The following SLC5A12 variants were observed in gnomAD, a reference collection of about 807,000 sequenced individuals.
The protein encoded by SLC5A12 is sodium-coupled monocarboxylate transporter 2.
SLC5A12 carries 46 observed loss-of-function variants against 72.7 expected under a neutral mutation model. The observed-to-expected ratio is 0.63, with a 90% CI of 0.50 to 0.81. SLC5A12 has a LOEUF of 0.81. Ranked by LOEUF, SLC5A12 falls within the 30% of genes least tolerant of loss-of-function variation. SLC5A12 has a pLI of 0.00. For missense variants in SLC5A12, 683 were observed against 740.7 expected, an observed-to-expected ratio of 0.92 and a Z score of 0.90; for synonymous variants, 275 against 264.4, an observed-to-expected ratio of 1.04 and a Z score of -0.39.
chr11:26,685,198 A>G (rs183679464), intron 10 of SLC5A12, among the ~76,000 whole-genome samples: 34 of 152,344 alleles, frequency 2.2e-4, no homozygotes, highest in African/African-American at 7.9e-4. Context: ...CAAGTAAGTT[A>G]CACTGTTCTG....
At chr11:26,693,966 T>C (rs1439662259) in intron 8 of SLC5A12, among the ~76,000 whole-genome samples, 1 of 152,120 alleles carries the variant, frequency 6.6e-6, no homozygotes, top group Non-Finnish European at 1.5e-5. Flanking sequence ...AAAAGGACTT[T>C]TTATGCTCCC....
In SLC5A12 at chr11:26,711,787, T is replaced by G. The variant is rs1855235536; in HGVS notation, c.406-429A>C. Among the ~76,000 whole-genome samples the G allele has an allele frequency of 3.3e-5, 5 of 152,016 alleles. No homozygotes were observed. In the South Asian group the frequency reaches 1.0e-3, roughly 32 times the overall value. On this transcript the variant is annotated intron_variant, in intron 2 of 14. Transcript: ENST00000396005. ...TGAAATATGGAATTTAGAGGTGAGA[T>G]AGAAAGAATCTGTGAGGAGAAAGTA...
rs1006855045 is a variant in SLC5A12 at position 26,703,965 on chromosome 11, T to C, written c.526-18A>G. 6.2e-7 allele frequency: 1 copy of C among 1,612,612 alleles called. No individual in the cohort carries two copies. Among genetic ancestry groups the C allele is most frequent in the African/African-American group, 1.3e-5 (1 of 74,842 alleles). On this transcript the variant is annotated intron_variant, in intron 4 of 14. Transcript: ENST00000396005. ...AATCCTCCCTGAAATAGAGAGAATG[T>C]TTGAGTCCTTGAAAACAAACCCTGT...
intron 1 of SLC5A12, among the ~76,000 whole-genome samples, chr11:26,713,556 T>C (rs1222008408): frequency 6.6e-6 from 1 of 152,152 alleles, no homozygotes; most frequent in Non-Finnish European, 1.5e-5. Context: ...AGATCATTGA[T>C]GAAAGCATCA....
At chr11:26,676,306 G>T (rs2133134863) in intron 13 of SLC5A12, among the ~76,000 whole-genome samples, 1 of 147,078 alleles carries the variant, frequency 6.8e-6, no homozygotes, top group Non-Finnish European at 1.5e-5. Context: ...TTTGTAGAGT[G>T]AAATCAACCA....
intron 8 of SLC5A12, among the ~76,000 whole-genome samples, chr11:26,696,868 G>A (rs1854828918): frequency 6.6e-6 from 1 of 152,098 alleles, no homozygotes; most frequent in Non-Finnish European, 1.5e-5. Context: ...GTAGGATAAT[G>A]AGCATAAAAT....
intron 8 of SLC5A12, among the ~76,000 whole-genome samples, chr11:26,696,110 C>T (rs1854805508): frequency 6.6e-6 from 1 of 152,124 alleles, no homozygotes; most frequent in Non-Finnish European, 1.5e-5. Flanking sequence ...CTGTTATTTC[C>T]TTTATATACT....
intron 13 of SLC5A12, among the ~76,000 whole-genome samples, chr11:26,676,435 A>C (rs1854269003): frequency 6.6e-6 from 1 of 152,084 alleles, no homozygotes; most frequent in South Asian, 2.1e-4. Context: ...CTAAAATATA[A>C]AATAATAGAT....
Position 26,670,880 on chromosome 11 carries a change from C to G in SLC5A12, c.*222G>C, listed in dbSNP as rs1378072182. The G allele has an allele frequency of 3.2e-5, 12 of 373,278 alleles. No homozygotes were observed. In the East Asian group the frequency reaches 5.0e-4, roughly 16 times the overall value. The allele number at this position is 373,278 out of a possible 1,614,324, so 23.1% of individuals were successfully genotyped here. ...AGGAAGTAGTCAAGGGCATTTGGAG[C>G]AGGTTGGTTTTTCTCTGTGAAAGTT... On this transcript the variant is annotated 3_prime_UTR_variant, in exon 15 of 15. Transcript: ENST00000396005.
intron 2 of SLC5A12, among the ~76,000 whole-genome samples, chr11:26,711,721 G>C (rs1385160479): frequency 6.6e-6 from 1 of 152,062 alleles, no homozygotes; most frequent in Non-Finnish European, 1.5e-5. Context: ...GACTTCATGA[G>C]GAGCTTTACT....
chr11:26,667,670 T>C lies in SLC5A12; in HGVS notation c.*3432A>G, dbSNP rs1455469751. 1 of 151,950 alleles carries C rather than the reference T, an allele frequency of 6.6e-6. No homozygotes were observed. The highest frequency in any genetic ancestry group is 1.5e-5 in the Non-Finnish European group (1 of 67,904). The allele number at this position is 151,950 out of a possible 1,614,324, so 9.4% of individuals were successfully genotyped here. ...AATCATAGTAATGAATTGCATCTTT[T>C]AGTAATAAACTTGTTTATAACAGTA... On this transcript the variant is annotated 3_prime_UTR_variant, in exon 15 of 15. Transcript: ENST00000396005.
chr11:26,718,072 T>C (rs1855393094), intron 1 of SLC5A12, among the ~76,000 whole-genome samples: 1 of 152,190 alleles, frequency 6.6e-6, no homozygotes, highest in Non-Finnish European at 1.5e-5. Flanking sequence ...CTCCACCTCT[T>C]TCAGTCTTTA....
chr11:26,671,467 T>G (rs1041226806), intron 14 of SLC5A12, among the ~76,000 whole-genome samples: 2 of 152,126 alleles, frequency 1.3e-5, no homozygotes, highest in Non-Finnish European at 1.5e-5. Context: ...GAACAATTTA[T>G]TGAGCATTTA....
chr11:26,703,575 A>T lies in SLC5A12; in HGVS notation c.777T>A (p.Thr259=). 2 of 1,613,990 alleles carry T rather than the reference A, an allele frequency of 1.2e-6. No individual in the cohort carries two copies. Among genetic ancestry groups the T allele is most frequent in the Non-Finnish European group, 1.7e-6 (2 of 1,179,946 alleles). The change falls in exon 6 of 15, where the codon ACT becomes ACA. Residue 259 remains threonine (T), a synonymous_variant. Coordinates refer to ENST00000396005, the MANE Select transcript of SLC5A12 (RefSeq NM_178498.4). ...WLGIYGVNQS[T]IQRCISCKTE... Reference sequence around the variant, plus strand: ...TTTTGCAAGAGATGCATCGCTGAATAGTTGATTGATTGACCCCATAGATTC... The same window carrying T: ...TTTTGCAAGAGATGCATCGCTGAATTGTTGATTGATTGACCCCATAGATTC...
intron 9 of SLC5A12, among the ~76,000 whole-genome samples, chr11:26,687,411 C>G (rs563851591): frequency 2.5e-4 from 38 of 152,260 alleles, no homozygotes; most frequent in African/African-American, 8.9e-4. Flanking sequence ...TTTGAGCATT[C>G]TCTGTCAGCT....
At chr11:26,682,860 G>T (rs61877311) in intron 11 of SLC5A12, among the ~76,000 whole-genome samples, 10,534 of 152,092 alleles carry the variant, frequency 0.069, 501 homozygotes, top group Non-Finnish European at 0.1. Context: ...GATTAAGACT[G>T]CTTGGGAAGT....
At chr11:26,694,080 G>A (rs1854749654) in intron 8 of SLC5A12, among the ~76,000 whole-genome samples, 1 of 152,120 alleles carries the variant, frequency 6.6e-6, no homozygotes, top group Non-Finnish European at 1.5e-5. Context: ...TGGCCCAGAA[G>A]GGTAAGGTTT....
intron 6 of SLC5A12, among the ~76,000 whole-genome samples, chr11:26,699,899 AT>A (rs931179792): frequency 1.3e-5 from 2 of 152,174 alleles, no homozygotes; most frequent in Non-Finnish European, 1.5e-5. Context: ...ATATAAAATT[AT>A]TTTTTTGGTA....
At chr11:26,691,986 C>T (rs911153599) in intron 9 of SLC5A12, 5 of 152,644 alleles carry the variant, frequency 3.3e-5, no homozygotes, top group Non-Finnish European at 5.9e-5. Flanking sequence ...GACCATCACA[C>T]AGTGTAATCA....
Sources: allele counts gnomAD v4.1 joint callset (sites outside exome capture counted in the v4.1 genomes callset), GRCh38; gene constraint gnomAD v4.1.1; transcripts MANE v1.5; gene names NCBI Gene and HGNC (gene_info 2026-07-23, HGNC 2026-07-21).